The following USB1 variants were observed in gnomAD, a reference collection of about 807,000 sequenced individuals.
The protein encoded by USB1 is U6 snRNA biogenesis phosphodiesterase 1.
USB1 carries 21 observed loss-of-function variants against 29.9 expected under a neutral mutation model. That is an observed-to-expected ratio of 0.70 (90% CI 0.50 to 1.01). The LOEUF is 1.01. Among genes scored for constraint, USB1 ranks in the 50% least tolerant of loss-of-function variants. The pLI is 0.00. For missense variants in USB1, 330 were observed against 347.1 expected, an observed-to-expected ratio of 0.95 and a Z score of 0.39; for synonymous variants, 143 against 134.9, an observed-to-expected ratio of 1.06 and a Z score of -0.42.
chr16:58,016,945 G>A (rs776711784), intron 4 of USB1: 8 of 312,946 alleles, frequency 2.6e-5, no homozygotes, highest in African/African-American at 4.3e-5. Context: ...TGTGGGAGGC[G>A]TGGCAGATGC....
intron 2 of USB1, among the ~76,000 whole-genome samples, chr16:58,006,778 G>T (rs961830548): frequency 1.3e-5 from 2 of 152,222 alleles, no homozygotes; most frequent in Non-Finnish European, 2.9e-5. Flanking sequence ...AAGCAATAGT[G>T]AGAGGAGGCA....
chr16:58,003,375 C>T (rs1379871053), intron 2 of USB1, among the ~76,000 whole-genome samples: 2 of 152,180 alleles, frequency 1.3e-5, no homozygotes, highest in Non-Finnish European at 2.9e-5. Flanking sequence ...TGTGGTGTGC[C>T]AAGATCGCTC....
Position 58,012,449 on chromosome 16 carries a change from A to G in USB1, c.450-1824A>G, listed in dbSNP as rs1465685203. 1.1e-5 allele frequency: 13 copies of G among 1,187,016 alleles called. No individual in the cohort carries two copies. The Admixed American group carries it at 1.2e-4, about 11-fold the overall frequency. 73.5% of individuals were successfully genotyped at this position (1,187,016 alleles called of 1,614,324 possible). ...CATGAGTGGACCGGGGTGACAAGAT[A>G]TCAGATGGCACCTGACTGTCACCAC... is the stretch of plus-strand genomic sequence containing the variant. On this transcript the variant is annotated intron_variant, in intron 3 of 6. Transcript: ENST00000219281.
intron 1 of USB1, among the ~76,000 whole-genome samples, chr16:58,002,131 T>G (rs1963228260): frequency 6.6e-6 from 1 of 152,210 alleles, no homozygotes. Context: ...AGACATATAC[T>G]TTCAGATGAG....
chr16:58,018,948 C>A, intron 5 of USB1, 24 bp from the exon 6 acceptor site: 1 of 1,613,250 alleles, frequency 6.2e-7, no homozygotes, highest in Non-Finnish European at 8.5e-7. Flanking sequence ...CGGGTGACTG[C>A]CTGCCTCTCG....
Position 58,010,059 on chromosome 16 carries a change from C to T in USB1, c.396C>T (p.His132=). Residue 132 remains histidine, a synonymous_variant, in exon 3 of 7, where the codon CAC becomes CAT. Coordinates refer to ENST00000219281, the MANE Select transcript of USB1 (RefSeq NM_024598.4). ...CCCAGAGTGTGGTTCTGCGCCACCA[C>T]TGGATCCTCCCCTTCGTGCAGGCTC... ...SLSQSVVLRH[H]WILPFVQALK... The T allele has an allele frequency of 6.2e-7, 1 of 1,614,190 alleles. No individual in the cohort carries two copies. Among genetic ancestry groups the T allele is most frequent in the East Asian group, 2.2e-5 (1 of 44,872 alleles).
At chr16:58,003,897 T>C (rs1963293050) in intron 2 of USB1, among the ~76,000 whole-genome samples, 1 of 152,226 alleles carries the variant, frequency 6.6e-6, no homozygotes, top group Admixed American at 6.5e-5. Context: ...GCCAGTCGCT[T>C]GTCTTTTCAT....
chr16:58,002,468 T>C lies in USB1; in HGVS notation c.99-11T>C. The C allele has an allele frequency of 1.2e-6, 2 of 1,613,736 alleles. No individual in the cohort carries two copies. Among genetic ancestry groups the C allele is most frequent in the Non-Finnish European group, 1.7e-6 (2 of 1,180,044 alleles). ...GATAAATGTACTCATTTTTCTTTTT[T>C]TCTTTTGCAGTGGCCAGAGCCCCCT... is the stretch of plus-strand genomic sequence containing the variant. On this transcript the variant is annotated splice_polypyrimidine_tract_variant and intron_variant, in intron 1 of 6. Transcript: ENST00000219281.
rs1249059283 is a variant in USB1, at chr16:58,018,985, A to C, written c.623A>C (p.His208Pro). 1 of 1,613,718 alleles carries C rather than the reference A, an allele frequency of 6.2e-7. No homozygotes were observed. The highest frequency in any genetic ancestry group is 1.1e-5 in the South Asian group (1 of 91,056). The change falls in exon 6 of 7, where the codon CAC (histidine) becomes CCC (proline). Residue 208 changes from histidine to proline, a missense_variant. By Grantham distance (77) the His-to-Pro change is moderately conservative (BLOSUM62 -2). Transcript: ENST00000219281. ...LTTFYQDPSF[H>P]LSLAWCVGDA... Reference sequence around the variant, plus strand: ...TTCCCTCCCCAGGATCCTTCTTTCCACCTCAGCCTGGCCTGGTGTGTGGGT... The same window carrying C: ...TTCCCTCCCCAGGATCCTTCTTTCCCCCTCAGCCTGGCCTGGTGTGTGGGT...
In USB1 at chr16:58,020,367, G is replaced by T; in HGVS notation, c.*122G>T. 1.1e-6 allele frequency: 1 copy of T among 872,538 alleles called. No homozygotes were observed. Among genetic ancestry groups the T allele is most frequent in the South Asian group, 1.4e-5 (1 of 70,584 alleles). The allele number at this position is 872,538 out of a possible 1,614,324, so 54.0% of individuals were successfully genotyped here. The stretch of plus-strand genomic sequence containing the variant: ...GAGGCCCCAGCCATGCCTTCAACCT[G>T]GCAGGAGGTGTAGCCACTCCTCATC... On this transcript the variant is annotated 3_prime_UTR_variant, in exon 7 of 7. Coordinates refer to ENST00000219281, the MANE Select transcript of USB1 (RefSeq NM_024598.4).
At chr16:58,012,287 T>C in intron 3 of USB1, 2 of 1,535,372 alleles carry the variant, frequency 1.3e-6, no homozygotes, top group Non-Finnish European at 1.7e-6. Flanking sequence ...TCAAGTTGAT[T>C]GATTGTATAT....
At chr16:58,006,368 CA>C (rs74564449) in intron 2 of USB1, among the ~76,000 whole-genome samples, 94 of 86,662 alleles carry the variant, frequency 1.1e-3, no homozygotes, top group Middle Eastern at 8.1e-3. Flanking sequence ...AAAAAAAAAA[CA>C]AAAAAAAAAA....
At chr16:58,009,765 G>A (rs894581828) in intron 2 of USB1, among the ~76,000 whole-genome samples, 164 bp from the exon 3 acceptor site, 11 of 151,100 alleles carry the variant, frequency 7.3e-5, no homozygotes, top group Non-Finnish European at 1.6e-4. Flanking sequence ...ATAAATAAAT[G>A]AAAATAAAAT....
chr16:58,009,476 T>A (rs1301411895), intron 2 of USB1, among the ~76,000 whole-genome samples: 1 of 152,034 alleles, frequency 6.6e-6, no homozygotes, highest in East Asian at 1.9e-4. Flanking sequence ...TCCCAGCACT[T>A]TGGGAGGCCG....
chr16:58,001,981 GGCTGGGGTCTGGTAAT>G (rs1963217737), intron 1 of USB1, among the ~76,000 whole-genome samples: 1 of 152,244 alleles, frequency 6.6e-6, no homozygotes, highest in African/African-American at 2.4e-5. Context: ...CTCCCTGCCA[GGCTGGGGTCTGGTAAT>G]TCAGTGGTGA....
At chr16:58,010,942 C>T in intron 3 of USB1, 1 of 699,008 alleles carries the variant, frequency 1.4e-6, no homozygotes, top group Non-Finnish European at 2.6e-6. Context: ...TCTAGCTTCC[C>T]TCCCATACCG....
At chr16:58,006,113 G>A (rs1292164953) in intron 2 of USB1, among the ~76,000 whole-genome samples, 1 of 152,076 alleles carries the variant, frequency 6.6e-6, no homozygotes, top group East Asian at 1.9e-4. Flanking sequence ...AGCACTTTGG[G>A]AGGTCAAGGT....
chr16:58,012,946 G>A, intron 3 of USB1: 2 of 985,942 alleles, frequency 2.0e-6, no homozygotes, highest in Non-Finnish European at 2.4e-6. Context: ...TGTATATGTG[G>A]CTGGTTCCCT....
In USB1 at chr16:58,020,426, C is replaced by G. The variant is rs1209685899; in HGVS notation, c.*181C>G. ...GTGCTGATATTCTCTCTCTCTCTTTCTCTTCCTCTTCTTTCTCTCTCTTCT... is the reference window on the plus strand; with the variant it reads ...GTGCTGATATTCTCTCTCTCTCTTTGTCTTCCTCTTCTTTCTCTCTCTTCT... On this transcript the variant is annotated 3_prime_UTR_variant, in exon 7 of 7. Coordinates refer to ENST00000219281, the MANE Select transcript of USB1 (RefSeq NM_024598.4). 2 of 648,170 alleles carry G rather than the reference C, an allele frequency of 3.1e-6. No individual in the cohort carries two copies. The highest frequency in any genetic ancestry group is 5.6e-6 in the Non-Finnish European group (2 of 358,294). 40.2% of individuals were successfully genotyped at this position (648,170 alleles called of 1,614,324 possible).
Sources: gnomAD v4.1 joint callset for allele counts (sites outside exome capture counted in the v4.1 genomes callset) on GRCh38, gnomAD v4.1.1 for gene constraint, MANE v1.5 for transcripts, NCBI Gene and HGNC (gene_info 2026-07-23, HGNC 2026-07-21) for gene names.